SCEL: variants seen among roughly 807,000 people sequenced by gnomAD.
The protein encoded by SCEL is sciellin.
Under a neutral mutation model 117.6 loss-of-function variants are expected in SCEL, and 113 were observed. That is an observed-to-expected ratio of 0.96 (90% confidence interval 0.83 to 1.12). The LOEUF (loss-of-function observed/expected upper bound fraction) is 1.12. Among genes scored for constraint, SCEL ranks in the 50% most tolerant of loss-of-function variants. The pLI, the probability that SCEL is intolerant of heterozygous loss-of-function variation, is 0.00. For missense variants in SCEL, 785 were observed against 810.8 expected (o/e 0.97, Z 0.39); for synonymous variants, 270 against 256.2 (o/e 1.05, Z -0.51).
rs1161601693 is a variant in SCEL, at chr13:77,591,424, A to G, written c.656A>G (p.Tyr219Cys). Residue 219 changes from tyrosine to cysteine, a missense_variant, in exon 11 of 33, where the codon TAT becomes TGT. Transcript: ENST00000349847. ...RQIHPPKPGVYTETNRSAERN... is the reference protein window; with the variant it reads ...RQIHPPKPGVCTETNRSAERN... ...ATACATCCACCTAAACCAGGTGTATATACAGAAACCAACAGATCTGCTGAA... is the reference window on the plus strand; with the variant it reads ...ATACATCCACCTAAACCAGGTGTATGTACAGAAACCAACAGATCTGCTGAA... The G allele has an allele frequency of 3.1e-6, 5 of 1,588,944 alleles. No homozygotes were observed. In the African/African-American group the frequency reaches 6.7e-5, roughly 21 times the overall value.
At chr13:77,556,076 G>A (rs891570534) in intron 2 of SCEL, among the ~76,000 whole-genome samples, 158 bp downstream of exon 2, 8 of 152,054 alleles carry the variant, frequency 5.3e-5, no homozygotes, top group Non-Finnish European at 1.2e-4. Flanking sequence ...TATACTTGTC[G>A]CAGCTTTTAG....
intron 16 of SCEL, 176 bp from the exon 17 acceptor site, chr13:77,602,478 G>A (rs904478366): frequency 3.4e-6 from 2 of 591,270 alleles, no homozygotes; most frequent in Admixed American, 5.9e-5. Flanking sequence ...ACATTTAAAT[G>A]AAATGCTATT....
intron 30 of SCEL, among the ~76,000 whole-genome samples, chr13:77,639,318 A>G (rs1255664475): frequency 6.6e-6 from 1 of 152,254 alleles, no homozygotes; most frequent in African/African-American, 2.4e-5. Flanking sequence ...GCAAGTGGGT[A>G]CAGAACAAAT....
chr13:77,541,448 T>C (rs1454866000), intron 1 of SCEL, among the ~76,000 whole-genome samples: 1 of 152,178 alleles, frequency 6.6e-6, no homozygotes, highest in East Asian at 1.9e-4. Context: ...TTTTAGAAAT[T>C]ATACATCTTG....
At chr13:77,583,780 C>T (rs1328922435) in intron 9 of SCEL, among the ~76,000 whole-genome samples, 1 of 152,100 alleles carries the variant, frequency 6.6e-6, no homozygotes, top group African/African-American at 2.4e-5. Context: ...ATTTGTGCTG[C>T]AGTAATAGAC....
intron 9 of SCEL, among the ~76,000 whole-genome samples, chr13:77,575,427 G>A (rs2154398118): frequency 1.3e-5 from 2 of 152,138 alleles, no homozygotes; most frequent in South Asian, 4.2e-4. Context: ...GGCTGGTGAG[G>A]TTAACTACAG....
Position 77,617,510 on chromosome 13 carries a change from A to G in SCEL, c.1452-89A>G, listed in dbSNP as rs2089140044. ...AGTCAATACTAAAATAATATGTCTC[A>G]TACTATTATCCTTTCTATCCATTTC... On this transcript the variant is annotated intron_variant, in intron 24 of 32. Transcript: ENST00000349847. 26 of 745,798 alleles carry G rather than the reference A, an allele frequency of 3.5e-5. 2 individuals are homozygous for G. Among genetic ancestry groups the G allele is most frequent in the Middle Eastern group, 7.6e-4 (2 of 2,626 alleles). 46.2% of individuals were successfully genotyped at this position (745,798 alleles called of 1,614,324 possible).
In SCEL at chr13:77,642,797, C is replaced by A; in HGVS notation, c.2039C>A (p.Ser680Tyr). ...ACAATACACTGTGAACCTTGCTACT[C>A]TAAAATTATGGGTAAGTGTTACACT... ...RQTIHCEPCY[S>Y]KIMAKWIP is the part of the protein sequence containing the mutation. Residue 680 changes from serine (S) to tyrosine (Y), a missense_variant, in exon 32 of 33, where the codon TCT (serine) becomes TAT (tyrosine). By Grantham distance (144) the Ser-to-Tyr change is moderately radical (BLOSUM62 -2). Transcript: ENST00000349847. 1 of 1,580,668 alleles carries A rather than the reference C, an allele frequency of 6.3e-7. No homozygotes were observed. The highest frequency in any genetic ancestry group is 8.6e-7 in the Non-Finnish European group (1 of 1,157,740).
intron 1 of SCEL, among the ~76,000 whole-genome samples, chr13:77,551,760 T>C (rs1285208440): frequency 6.6e-6 from 1 of 152,006 alleles, no homozygotes; most frequent in South Asian, 2.1e-4. Flanking sequence ...TAGTTACATA[T>C]GTATACATGT....
chr13:77,598,069 C>T (rs71434873), intron 13 of SCEL, among the ~76,000 whole-genome samples: 1 of 152,142 alleles, frequency 6.6e-6, no homozygotes, highest in South Asian at 2.1e-4. Flanking sequence ...GCTAGCCATC[C>T]TCTTGCCTCA....
chr13:77,638,333 T>C (rs1017300441), intron 30 of SCEL, among the ~76,000 whole-genome samples: 1 of 152,196 alleles, frequency 6.6e-6, no homozygotes, highest in Non-Finnish European at 1.5e-5. Flanking sequence ...GTAAAGTCAT[T>C]GACACCAGCA....
In SCEL at chr13:77,589,650, A is replaced by G. The variant is rs578084781; in HGVS notation, c.626+426A>G. On this transcript the variant is annotated intron_variant, in intron 10 of 32. Coordinates refer to ENST00000349847, the MANE Select transcript of SCEL (RefSeq NM_144777.3). ...CCACTAAGAGATACAGATTCTGATG[A>G]ACGATGTTCTTGAAACTTTGTGTTA... is the stretch of plus-strand genomic sequence containing the variant. 1.0e-3 allele frequency among the ~76,000 whole-genome samples: 152 copies of G among 152,294 alleles called. 2 individuals are homozygous for G. Among genetic ancestry groups the G allele is most frequent in the Non-Finnish European group, 4.3e-4 (29 of 67,996 alleles).
At chr13:77,571,712 CAT>C (rs35655886) in intron 8 of SCEL, among the ~76,000 whole-genome samples, 32 of 145,054 alleles carry the variant, frequency 2.2e-4, no homozygotes, top group Admixed American at 2.8e-4. Context: ...AAAAATAAAA[CAT>C]ATATATATAT....
chr13:77,563,240 C>T (rs1440343766), intron 4 of SCEL, among the ~76,000 whole-genome samples: 6 of 151,912 alleles, frequency 3.9e-5, no homozygotes, highest in Admixed American at 1.3e-4. Context: ...CTTTCTCTCA[C>T]TTCCCACTTT....
intron 9 of SCEL, among the ~76,000 whole-genome samples, chr13:77,576,457 C>T (rs190857899): frequency 6.6e-6 from 1 of 152,224 alleles, no homozygotes; most frequent in East Asian, 1.9e-4. Flanking sequence ...CTCTTCTCCT[C>T]TTGTTCTGTG....
intron 29 of SCEL, 73 bp downstream of exon 29, chr13:77,634,523 C>G (rs2090180879): frequency 9.0e-7 from 1 of 1,106,976 alleles, no homozygotes; most frequent in African/African-American, 1.6e-5. Context: ...ATAAGAGATG[C>G]TATTGTTTTA....
intron 1 of SCEL, among the ~76,000 whole-genome samples, chr13:77,551,267 G>A (rs910180394): frequency 7.9e-5 from 12 of 152,260 alleles, no homozygotes; most frequent in South Asian, 6.2e-4. Flanking sequence ...TGTTCAGGGC[G>A]GGGGCTCAAC....
At chr13:77,579,689 G>A (rs552404079) in intron 9 of SCEL, among the ~76,000 whole-genome samples, 1 of 152,332 alleles carries the variant, frequency 6.6e-6, no homozygotes, top group East Asian at 1.9e-4. Context: ...AAAGGTCAAG[G>A]TAGACACAAA....
intron 22 of SCEL, among the ~76,000 whole-genome samples, chr13:77,612,260 C>T (rs1433793016): frequency 6.6e-6 from 1 of 152,080 alleles, no homozygotes; most frequent in Admixed American, 6.6e-5. Flanking sequence ...CTCTGTAGAG[C>T]TATGAATGCC....
Sources: gnomAD v4.1 joint callset for allele counts (sites outside exome capture counted in the v4.1 genomes callset) on GRCh38, gnomAD v4.1.1 for gene constraint, MANE v1.5 for transcripts, NCBI Gene and HGNC (gene_info 2026-07-23, HGNC 2026-07-21) for gene names.